DYNC2LI1: variants seen among roughly 807,000 people sequenced by gnomAD.
DYNC2LI1 encodes cytoplasmic dynein 2 light intermediate chain 1.
Under a neutral mutation model 51.9 loss-of-function variants are expected in DYNC2LI1, and 45 were observed. That is an observed-to-expected ratio of 0.87 (90% CI 0.68 to 1.11). DYNC2LI1 has a LOEUF of 1.11. Ranked by LOEUF, DYNC2LI1 falls within the 50% of genes most tolerant of loss-of-function variation. The pLI is 0.00. For synonymous variants in DYNC2LI1, 130 were observed against 137.8 expected, an observed-to-expected ratio of 0.94 and a Z score of 0.40; for missense variants, 490 against 417.4, an observed-to-expected ratio of 1.17 and a Z score of -1.51.
the DYNC2LI1 span, among the ~76,000 whole-genome samples, chr2:43,817,346 G>A: frequency 3.3e-5 from 5 of 152,116 alleles, no homozygotes; most frequent in East Asian, 5.8e-4. Context: ...TTAGCTGGGC[G>A]TGGTGGTGCG....
intron 3 of DYNC2LI1, among the ~76,000 whole-genome samples, chr2:43,784,520 A>G (rs564557467): frequency 6.6e-6 from 1 of 152,056 alleles, no homozygotes; most frequent in African/African-American, 2.4e-5. Flanking sequence ...GCTCACTGCA[A>G]CCTCCGCCTC....
chr2:43,791,536 G>T (rs1375613759), intron 5 of DYNC2LI1, among the ~76,000 whole-genome samples: 1 of 152,176 alleles, frequency 6.6e-6, no homozygotes, highest in African/African-American at 2.4e-5. Context: ...AAGGGTCAGG[G>T]TTATGATCAA....
the DYNC2LI1 span, among the ~76,000 whole-genome samples, chr2:43,826,064 C>T: frequency 1.3e-5 from 2 of 152,300 alleles, no homozygotes; most frequent in East Asian, 3.9e-4. Flanking sequence ...CAGCCTTGAC[C>T]TACTGGGCTC....
At position 43,787,268 on chromosome 2, in the gene DYNC2LI1, T is replaced by A. The variant is rs1461350854; in HGVS notation, c.231+18T>A. ...ACAACACAGTAAGTGTCTTTTAAAG[T>A]GACATTGCTATGCCCATAGATGGGA... On this transcript the variant is annotated intron_variant, in intron 4 of 12. Coordinates refer to ENST00000260605, the MANE Select transcript of DYNC2LI1 (RefSeq NM_016008.4). 2 of 1,590,564 alleles carry A rather than the reference T, an allele frequency of 1.3e-6. No homozygotes were observed. Among genetic ancestry groups the A allele is most frequent in the Non-Finnish European group, 1.7e-6 (2 of 1,160,162 alleles).
chr2:43,825,133 T>G, the DYNC2LI1 span: 1 of 1,293,012 alleles, frequency 7.7e-7, no homozygotes, highest in Non-Finnish European at 1.1e-6. Flanking sequence ...GGTCACCAAG[T>G]CCTTATGGGA....
At chr2:43,779,570 A>T (rs1673180994) in intron 2 of DYNC2LI1, among the ~76,000 whole-genome samples, 2 of 152,224 alleles carry the variant, frequency 1.3e-5, no homozygotes, top group African/African-American at 4.8e-5. Context: ...CAATACCATG[A>T]GACAAATGCT....
chr2:43,812,153 C>T (rs116303963), downstream of DYNC2LI1, among the ~76,000 whole-genome samples: 1,345 of 152,086 alleles, frequency 8.8e-3, 24 homozygotes, highest in African/African-American at 0.031. Flanking sequence ...TAGGTTTAAG[C>T]GATCCTTCCA....
intron 11 of DYNC2LI1, 99 bp downstream of exon 11, chr2:43,804,838 C>A (rs1246871706): frequency 1.9e-5 from 13 of 670,574 alleles, no homozygotes; most frequent in Non-Finnish European, 2.4e-5. Flanking sequence ...TTGTTTTCAT[C>A]TTTTATGCTC....
intron 12 of DYNC2LI1, among the ~76,000 whole-genome samples, chr2:43,806,268 A>G (rs569513932): frequency 1.8e-4 from 28 of 152,210 alleles, no homozygotes; most frequent in Non-Finnish European, 3.8e-4. Context: ...TCCTTATATG[A>G]GTAAACTTAT....
the DYNC2LI1 span, chr2:43,824,057 G>T: frequency 2.5e-6 from 4 of 1,614,188 alleles, no homozygotes; most frequent in South Asian, 1.1e-5. Context: ...CCCATGATCA[G>T]ATTCTGAAGG....
chr2:43,794,280 T>C, intron 5 of DYNC2LI1, 177 bp from the exon 6 acceptor site: 2 of 582,534 alleles, frequency 3.4e-6, no homozygotes, highest in Non-Finnish European at 5.8e-6. Context: ...AGGAAAGTAT[T>C]GGAATAAATA....
chr2:43,805,401 C>T lies in DYNC2LI1; in HGVS notation c.993+155C>T, dbSNP rs570849148. 1.1e-5 allele frequency: 5 copies of T among 464,168 alleles called. No homozygotes were observed. In the Admixed American group the frequency reaches 1.9e-4, roughly 18 times the overall value. 28.8% of individuals were successfully genotyped at this position (464,168 alleles called of 1,614,324 possible). On this transcript the variant is annotated intron_variant, in intron 12 of 12. Transcript: ENST00000260605. ...GTAGTACATCTATTTAAATAACACA[C>T]TAATAGTATACTGTAGAAAAAATAA...
At chr2:43,794,740 T>G in intron 6 of DYNC2LI1, 97 bp downstream of exon 6, 2 of 1,597,046 alleles carry the variant, frequency 1.3e-6, no homozygotes, top group Non-Finnish European at 1.7e-6. Flanking sequence ...ATGCATGACT[T>G]GAAATTCATT....
chr2:43,775,491 T>C (rs1194978203), intron 1 of DYNC2LI1, among the ~76,000 whole-genome samples: 3 of 151,822 alleles, frequency 2.0e-5, no homozygotes, highest in Non-Finnish European at 4.4e-5. Flanking sequence ...TTTCTTTCTT[T>C]CTTTATGGTT....
At chr2:43,819,362 A>G in the DYNC2LI1 span, among the ~76,000 whole-genome samples, 1 of 152,212 alleles carries the variant, frequency 6.6e-6, no homozygotes, top group Non-Finnish European at 1.5e-5. Flanking sequence ...TATGAAGAAA[A>G]AAATTAAAAT....
At position 43,809,866 on chromosome 2, in the gene DYNC2LI1, C is replaced by A; in HGVS notation, c.*99C>A. ...GTGGCAATATGTGAAGAAAGTTAAACTGTATAATTTGTTAAAGGACAAGCT... is the reference window on the plus strand; with the variant it reads ...GTGGCAATATGTGAAGAAAGTTAAAATGTATAATTTGTTAAAGGACAAGCT... On this transcript the variant is annotated 3_prime_UTR_variant, in exon 13 of 13. Coordinates refer to ENST00000260605, the MANE Select transcript of DYNC2LI1 (RefSeq NM_016008.4). 1 of 1,470,402 alleles carries A rather than the reference C, an allele frequency of 6.8e-7. No individual in the cohort carries two copies. Among genetic ancestry groups the A allele is most frequent in the Non-Finnish European group, 9.0e-7 (1 of 1,113,528 alleles). 91.1% of individuals were successfully genotyped at this position (1,470,402 alleles called of 1,614,324 possible).
chr2:43,792,694 C>G (rs762822861), intron 5 of DYNC2LI1: 3 of 1,547,748 alleles, frequency 1.9e-6, no homozygotes, highest in Non-Finnish European at 2.6e-6. Context: ...AACTATCATC[C>G]CTACTGCCTG....
chr2:43,789,576 C>A, intron 4 of DYNC2LI1, 57 bp from the exon 5 acceptor site: 1 of 1,341,104 alleles, frequency 7.5e-7, no homozygotes, highest in Non-Finnish European at 1.1e-6. Flanking sequence ...CTGGGAAGTG[C>A]TAATGACATA....
rs1185950809 is a variant in DYNC2LI1 at position 43,792,603 on chromosome 2, C to G, written c.321-1854C>G. 2.8e-6 allele frequency: 4 copies of G among 1,439,710 alleles called. 1 individual carries two copies. The African/African-American group carries it at 5.8e-5, about 21-fold the overall frequency. The allele number at this position is 1,439,710 out of a possible 1,614,324, so 89.2% of individuals were successfully genotyped here. A position where few individuals can be genotyped will look rare whatever the true frequency, so the allele number is the denominator to read the frequency against. On this transcript the variant is annotated intron_variant, in intron 5 of 12. Transcript: ENST00000260605. ...GTATATTCTCATCACCATACATCTC[C>G]AGAACTTTTTGATCTTCTCAAACTG...
Sources: allele counts gnomAD v4.1 joint callset (sites outside exome capture counted in the v4.1 genomes callset), GRCh38; gene constraint gnomAD v4.1.1; transcripts MANE v1.5; gene names NCBI Gene and HGNC (gene_info 2026-07-23, HGNC 2026-07-21).